The following MPHOSPH6 variants were observed in gnomAD, a reference collection of about 807,000 sequenced individuals.
MPHOSPH6 encodes M-phase phosphoprotein 6.
Under a neutral mutation model 21.8 loss-of-function variants are expected in MPHOSPH6, and 25 were observed. That is an observed-to-expected ratio of 1.15 (90% confidence interval 0.83 to 1.60). MPHOSPH6 has a LOEUF of 1.60. Among genes scored for constraint, MPHOSPH6 ranks in the 40% most tolerant of loss-of-function variants. The pLI is 0.00. For missense variants in MPHOSPH6, 269 were observed against 181.8 expected (o/e 1.48, Z -2.76); for synonymous variants, 84 against 56.5 (o/e 1.49, Z -2.18).
intron 1 of MPHOSPH6, among the ~76,000 whole-genome samples, chr16:82,168,696 A>C (rs1906872462): frequency 2.0e-5 from 3 of 152,060 alleles, no homozygotes; most frequent in Middle Eastern, 3.4e-3. Flanking sequence ...GGTCTCAAAC[A>C]CCTGGGCTTA....
intron 2 of MPHOSPH6, among the ~76,000 whole-genome samples, chr16:82,158,083 C>T (rs1031838152): frequency 1.2e-4 from 18 of 152,130 alleles, no homozygotes; most frequent in African/African-American, 3.9e-4. Flanking sequence ...AAGAAAAATG[C>T]CAGTTTCACA....
At chr16:82,150,993 AT>A (rs1906247624) in intron 3 of MPHOSPH6, 1 of 154,192 alleles carries the variant, frequency 6.5e-6, no homozygotes, top group African/African-American at 2.4e-5. Flanking sequence ...TGTCGAAAGG[AT>A]TCATTTAAAA....
chr16:82,165,889 C>T (rs1906762514), intron 1 of MPHOSPH6, among the ~76,000 whole-genome samples: 1 of 152,164 alleles, frequency 6.6e-6, no homozygotes, highest in Non-Finnish European at 1.5e-5. Context: ...TGTTAAGTAA[C>T]ACATGATGGT....
chr16:82,165,114 C>CTTTTTTTTTTTTTTTTTTTT lies in MPHOSPH6; in HGVS notation c.52-921_52-920insAAAAAAAAAAAAAAAAAAAA, dbSNP rs1418457856. Among the ~76,000 whole-genome samples, 36 of 63,938 alleles carry CTTTTTTTTTTTTTTTTTTTT rather than the reference C, an allele frequency of 5.6e-4. 10 individuals carry two copies. The highest frequency in any genetic ancestry group is 5.2e-4 in the Non-Finnish European group (18 of 34,474). The allele number at this position is 63,938 out of a possible 152,430, so 41.9% of individuals were successfully genotyped here. A position where few individuals can be genotyped will look rare whatever the true frequency, so the allele number is the denominator to read the frequency against. On this transcript the variant is annotated intron_variant, in intron 1 of 4. Transcript: ENST00000258169. ...TTTCCCTTATTCAGGTCCGATATTTCTTTTTTATTTTTTTTTTTATTTTTT... is the reference window on the plus strand; with the variant it reads ...TTTCCCTTATTCAGGTCCGATATTTCTTTTTTTTTTTTTTTTTTTTTTTTTTATTTTTTTTTTTATTTTTT...
rs538250481 is a variant in MPHOSPH6 at position 82,165,208 on chromosome 16, A to G, written c.52-1014T>C. Among the ~76,000 whole-genome samples the G allele has an allele frequency of 1.6e-4, 23 of 140,442 alleles. No individual in the cohort carries two copies. The South Asian group carries it at 5.1e-3, about 31-fold the overall frequency. The allele number at this position is 140,442 out of a possible 152,430, so 92.1% of individuals were successfully genotyped here. ...AGTGGCACGATCTCAGCTCACTGCA[A>G]CCTCTGCCTCCTAGGTTCAAGAGGT... On this transcript the variant is annotated intron_variant, in intron 1 of 4. Coordinates refer to ENST00000258169, the MANE Select transcript of MPHOSPH6 (RefSeq NM_005792.2).
At chr16:82,157,683 G>C (rs1259482587) in intron 2 of MPHOSPH6, among the ~76,000 whole-genome samples, 2 of 118,866 alleles carry the variant, frequency 1.7e-5, no homozygotes, top group African/African-American at 5.4e-5. Flanking sequence ...GCAGACTAGA[G>C]GAGAGGCGTC....
intron 2 of MPHOSPH6, among the ~76,000 whole-genome samples, chr16:82,153,313 T>C (rs1223515835): frequency 6.6e-6 from 1 of 152,186 alleles, no homozygotes; most frequent in Non-Finnish European, 1.5e-5. Context: ...ACCATAATTA[T>C]ATAAAACAGG....
At chr16:82,161,679 A>G (rs1422129890) in intron 2 of MPHOSPH6, among the ~76,000 whole-genome samples, 1 of 152,208 alleles carries the variant, frequency 6.6e-6, no homozygotes, top group Non-Finnish European at 1.5e-5. Context: ...AGAAAGAAGG[A>G]TTGGGCAGAG....
At chr16:82,149,534 C>CTCTG in intron 3 of MPHOSPH6, 131 bp from the exon 4 acceptor site, 1 of 703,874 alleles carries the variant, frequency 1.4e-6, no homozygotes, top group South Asian at 1.6e-5. Flanking sequence ...ATAAGGGACT[C>CTCTG]TCTGTAATAC....
At chr16:82,161,357 G>A (rs1906601864) in intron 2 of MPHOSPH6, among the ~76,000 whole-genome samples, 1 of 152,144 alleles carries the variant, frequency 6.6e-6, no homozygotes, top group African/African-American at 2.4e-5. Context: ...TTAGTTTCAG[G>A]TCCCTATAGC....
chr16:82,157,159 G>A (rs1420978087), intron 2 of MPHOSPH6, among the ~76,000 whole-genome samples: 2 of 152,102 alleles, frequency 1.3e-5, no homozygotes, highest in African/African-American at 2.4e-5. Flanking sequence ...AAACCACAAT[G>A]AGATGCCACT....
chr16:82,162,477 G>T (rs1274537069), intron 2 of MPHOSPH6, among the ~76,000 whole-genome samples: 2 of 152,166 alleles, frequency 1.3e-5, no homozygotes, highest in Non-Finnish European at 2.9e-5. Flanking sequence ...CAGGTACCTG[G>T]CTCCCTTGCT....
At chr16:82,161,927 G>A (rs541442220) in intron 2 of MPHOSPH6, among the ~76,000 whole-genome samples, 1 of 152,306 alleles carries the variant, frequency 6.6e-6, no homozygotes, top group Non-Finnish European at 1.5e-5. Flanking sequence ...TGGGAAAGTC[G>A]AGACTTTCAG....
chr16:82,166,126 G>C (rs1257295486), intron 1 of MPHOSPH6, among the ~76,000 whole-genome samples: 1 of 152,196 alleles, frequency 6.6e-6, no homozygotes, highest in African/African-American at 2.4e-5. Context: ...TCATATCCTA[G>C]TGTTGTAAAA....
chr16:82,158,657 A>G (rs2142411585), intron 2 of MPHOSPH6, among the ~76,000 whole-genome samples: 1 of 152,280 alleles, frequency 6.6e-6, no homozygotes, highest in Admixed American at 6.5e-5. Flanking sequence ...CATTTTCTTG[A>G]AAATAAATAA....
chr16:82,153,023 T>G (rs1202966155), intron 2 of MPHOSPH6, among the ~76,000 whole-genome samples: 1 of 152,098 alleles, frequency 6.6e-6, no homozygotes, highest in Non-Finnish European at 1.5e-5. Context: ...GTTACTCAGG[T>G]GGCTGAGGCA....
intron 2 of MPHOSPH6, among the ~76,000 whole-genome samples, chr16:82,161,056 C>G (rs912104946): frequency 6.6e-6 from 1 of 152,164 alleles, no homozygotes; most frequent in Non-Finnish European, 1.5e-5. Context: ...CCCCTTGCTC[C>G]CATCATATTT....
intron 2 of MPHOSPH6, among the ~76,000 whole-genome samples, chr16:82,159,833 C>T (rs552736581): frequency 2.6e-5 from 4 of 152,284 alleles, no homozygotes; most frequent in Admixed American, 6.5e-5. Flanking sequence ...ACTTCAGAAC[C>T]GCCTCTCCCT....
intron 3 of MPHOSPH6, among the ~76,000 whole-genome samples, chr16:82,150,145 G>A (rs943766374): frequency 1.3e-5 from 2 of 151,996 alleles, no homozygotes; most frequent in Non-Finnish European, 2.9e-5. Flanking sequence ...CCTAGGGGGA[G>A]TGTATTCAGT....
Sources: allele counts gnomAD v4.1 joint callset (sites outside exome capture counted in the v4.1 genomes callset), GRCh38; gene constraint gnomAD v4.1.1; transcripts MANE v1.5; gene names NCBI Gene and HGNC (gene_info 2026-07-23, HGNC 2026-07-21).